Variants in KCNK13 observed in about 807,000 individuals in gnomAD.
The protein encoded by KCNK13 is potassium two pore domain channel subfamily K member 13.
In KCNK13, 12 loss-of-function variants were observed where a neutral mutation model predicts 23.4. That is an observed-to-expected ratio of 0.51 (90% CI 0.33 to 0.83). KCNK13 has a LOEUF of 0.83. KCNK13 is among the 40% of genes least tolerant of loss of function. KCNK13 has a pLI of 0.02. For missense variants in KCNK13, 463 were observed against 556.3 expected (o/e 0.83, Z 1.69); for synonymous variants, 231 against 229.5 (o/e 1.01, Z -0.06).
At chr14:90,127,329 T>C (rs1356860720) in intron 1 of KCNK13, among the ~76,000 whole-genome samples, 2 of 152,104 alleles carry the variant, frequency 1.3e-5, no homozygotes, top group Non-Finnish European at 1.5e-5. Flanking sequence ...AAAACAGCCT[T>C]TCTGTATTTT....
At chr14:90,089,622 C>T (rs1007017237) in intron 1 of KCNK13, among the ~76,000 whole-genome samples, 2 of 152,182 alleles carry the variant, frequency 1.3e-5, no homozygotes, top group Non-Finnish European at 2.9e-5. Flanking sequence ...ATGTTAATCC[C>T]GAAGACAATG....
intron 1 of KCNK13, among the ~76,000 whole-genome samples, chr14:90,129,791 G>A (rs1473123697): frequency 6.6e-6 from 1 of 151,898 alleles, no homozygotes; most frequent in Admixed American, 6.6e-5. Context: ...AGAACATAGG[G>A]GACTTTATGT....
intron 1 of KCNK13, among the ~76,000 whole-genome samples, chr14:90,086,609 CAG>C (rs1889278471): frequency 6.6e-6 from 1 of 152,128 alleles, no homozygotes; most frequent in Non-Finnish European, 1.5e-5. Flanking sequence ...TTTGAAGAAA[CAG>C]GGCTGCCAGG....
intron 1 of KCNK13, among the ~76,000 whole-genome samples, chr14:90,063,525 C>T (rs1888970984): frequency 6.6e-6 from 1 of 152,050 alleles, no homozygotes; most frequent in Non-Finnish European, 1.5e-5. Flanking sequence ...CAAAAAGAGA[C>T]CTGGAGCAGG....
At chr14:90,118,370 G>T (rs1367945819) in intron 1 of KCNK13, among the ~76,000 whole-genome samples, 1 of 152,140 alleles carries the variant, frequency 6.6e-6, no homozygotes, top group Non-Finnish European at 1.5e-5. Context: ...GAAACATCAA[G>T]AACTTAAGAT....
intron 1 of KCNK13, among the ~76,000 whole-genome samples, chr14:90,126,697 C>T (rs1889805683): frequency 6.6e-6 from 1 of 152,130 alleles, no homozygotes; most frequent in Admixed American, 6.5e-5. Context: ...GCACACGCCA[C>T]CATCCCTGGC....
intron 1 of KCNK13, among the ~76,000 whole-genome samples, chr14:90,067,278 G>A (rs535650713): frequency 4.0e-4 from 61 of 152,184 alleles, no homozygotes; most frequent in African/African-American, 1.4e-3. Context: ...AGAAAAAAAC[G>A]AAAAGGAATG....
chr14:90,113,727 A>G (rs1596783678), intron 1 of KCNK13, among the ~76,000 whole-genome samples: 2 of 152,242 alleles, frequency 1.3e-5, no homozygotes, highest in Admixed American at 6.5e-5. Context: ...GAGGTCAGGC[A>G]TTCCAGACCA....
At chr14:90,081,630 G>T (rs1889213769) in intron 1 of KCNK13, among the ~76,000 whole-genome samples, 1 of 152,136 alleles carries the variant, frequency 6.6e-6, no homozygotes, top group Non-Finnish European at 1.5e-5. Context: ...CAATTCTGTG[G>T]TTTTTAGCAT....
chr14:90,134,088 C>T (rs1889906834), intron 1 of KCNK13, among the ~76,000 whole-genome samples: 1 of 152,118 alleles, frequency 6.6e-6, no homozygotes, highest in African/African-American at 2.4e-5. Flanking sequence ...AAATAAGACT[C>T]CTGCTTGTGG....
intron 1 of KCNK13, among the ~76,000 whole-genome samples, chr14:90,112,824 T>C (rs566677651): frequency 4.0e-5 from 6 of 151,298 alleles, no homozygotes; most frequent in African/African-American, 1.5e-4. Flanking sequence ...TCAAAAACCA[T>C]GAGGGACAGC....
At chr14:90,135,562 A>G (rs960216731) in intron 1 of KCNK13, among the ~76,000 whole-genome samples, 1 of 152,096 alleles carries the variant, frequency 6.6e-6, no homozygotes, top group Non-Finnish European at 1.5e-5. Flanking sequence ...ATGGCAGATG[A>G]TTTTCACAGG....
intron 1 of KCNK13, among the ~76,000 whole-genome samples, chr14:90,095,690 A>G (rs1889402513): frequency 6.6e-6 from 1 of 152,096 alleles, no homozygotes; most frequent in African/African-American, 2.4e-5. Context: ...CAGAAGTGTG[A>G]GGGTATTATC....
At chr14:90,101,891 CT>C (rs201403466) in intron 1 of KCNK13, among the ~76,000 whole-genome samples, 11 of 140,992 alleles carry the variant, frequency 7.8e-5, no homozygotes, top group South Asian at 2.4e-4. Context: ...GAAATATTTT[CT>C]TTTTTTTTTA....
At chr14:90,142,767 G>A (rs991844008) in intron 1 of KCNK13, among the ~76,000 whole-genome samples, 5 of 152,104 alleles carry the variant, frequency 3.3e-5, no homozygotes, top group Non-Finnish European at 7.4e-5. Flanking sequence ...GACAAAAGAC[G>A]GATTAAACAA....
intron 1 of KCNK13, among the ~76,000 whole-genome samples, chr14:90,101,509 C>A: frequency 6.6e-6 from 1 of 151,962 alleles, no homozygotes; most frequent in Non-Finnish European, 1.5e-5. Flanking sequence ...CAAAATCTCA[C>A]CAGTTGGCCG....
intron 1 of KCNK13, among the ~76,000 whole-genome samples, chr14:90,145,273 G>A (rs1182973420): frequency 6.6e-6 from 1 of 151,704 alleles, no homozygotes; most frequent in African/African-American, 2.4e-5. Flanking sequence ...CGCGCCTGTA[G>A]TCCCAGCTAC....
intron 1 of KCNK13, among the ~76,000 whole-genome samples, chr14:90,069,315 T>G (rs1286926): frequency 6.6e-6 from 1 of 151,770 alleles, no homozygotes; most frequent in African/African-American, 2.4e-5. Context: ...GATTATAGGC[T>G]TGAGCCACTG....
At chr14:90,170,366 A>C (rs1489302170) in intron 1 of KCNK13, among the ~76,000 whole-genome samples, 1 of 152,100 alleles carries the variant, frequency 6.6e-6, no homozygotes, top group African/African-American at 2.4e-5. Context: ...GGTGCCCACC[A>C]CCACACCCAG....
Sources: gnomAD v4.1 joint callset for allele counts (sites outside exome capture counted in the v4.1 genomes callset) on GRCh38, gnomAD v4.1.1 for gene constraint, MANE v1.5 for transcripts, NCBI Gene and HGNC (gene_info 2026-07-23, HGNC 2026-07-21) for gene names.